The following RNASEH1 variants were observed in gnomAD, a reference collection of about 807,000 sequenced individuals.
RNASEH1 encodes ribonuclease H1.
In RNASEH1, 27 loss-of-function variants were observed where a neutral mutation model predicts 34.6. That is an observed-to-expected ratio of 0.78 (90% CI 0.58 to 1.08). The LOEUF is 1.08. RNASEH1 is among the 50% of genes least tolerant of loss of function. RNASEH1 has a pLI of 0.00. For missense variants in RNASEH1, 349 were observed against 373.6 expected (o/e 0.93, Z 0.54); for synonymous variants, 162 against 138.4 (o/e 1.17, Z -1.20).
At chr2:3,538,886 C>G (rs995104816), downstream of RNASEH1, among the ~76,000 whole-genome samples, 6 of 152,196 alleles carry the variant, frequency 3.9e-5, no homozygotes, top group African/African-American at 1.2e-4. Context: ...GCCTCAGCAA[C>G]ATATGCACTG....
downstream of RNASEH1, among the ~76,000 whole-genome samples, chr2:3,536,566 G>C (rs1667998965): frequency 6.6e-6 from 1 of 152,190 alleles, no homozygotes; most frequent in South Asian, 2.1e-4. Flanking sequence ...CCCCACCCCT[G>C]CTCCGGGGCT....
At position 3,552,293 on chromosome 2, in the gene RNASEH1, T is replaced by C. The variant is rs1021891020; in HGVS notation, c.260A>G (p.His87Arg). The change falls in exon 3 of 8, where the codon CAT becomes CGT. Residue 87 changes from histidine to arginine, a missense_variant. Physicochemically the swap from His to Arg is conservative, Grantham distance 29. This residue lies in a region of RNASEH1 where 256 missense variants were observed against 240.7 expected (regional missense o/e 1.06). Transcript: ENST00000315212. ...GGCTTTCGCCTCCGATTCTTGTCCATGTTGATTTTCATGCCCTGAAAGACA... is the reference window on the plus strand; with the variant it reads ...GGCTTTCGCCTCCGATTCTTGTCCACGTTGATTTTCATGCCCTGAAAGACA... ...PEVSEGHENQHGQESEAKASK... is the reference protein window; with the variant it reads ...PEVSEGHENQRGQESEAKASK... 3.7e-6 allele frequency: 6 copies of C among 1,612,470 alleles called. No individual in the cohort carries two copies. Among genetic ancestry groups the C allele is most frequent in the African/African-American group, 2.7e-5 (2 of 74,870 alleles).
At chr2:3,554,973 G>C (rs1045273729) in intron 2 of RNASEH1, among the ~76,000 whole-genome samples, 2 of 152,162 alleles carry the variant, frequency 1.3e-5, no homozygotes, top group African/African-American at 4.8e-5. Context: ...AGTGAACTAT[G>C]GGAAGAATTT....
intron 1 of RNASEH1, chr2:3,557,599 T>C (rs1339798911): frequency 2.9e-6 from 1 of 340,782 alleles, no homozygotes; most frequent in Non-Finnish European, 5.8e-6. Context: ...CTCAAGTCCT[T>C]TCTCTGTCAG....
the RNASEH1 span, among the ~76,000 whole-genome samples, chr2:3,535,041 A>T: frequency 6.6e-6 from 1 of 152,162 alleles, no homozygotes; most frequent in Non-Finnish European, 1.5e-5. Context: ...GTCTGGGAAG[A>T]TGAGAAGTTC....
At chr2:3,538,625 C>T (rs1461430753), downstream of RNASEH1, among the ~76,000 whole-genome samples, 1 of 152,192 alleles carries the variant, frequency 6.6e-6, no homozygotes, top group Admixed American at 6.5e-5. Flanking sequence ...GGGTCTGTCA[C>T]TCTAACGCTG....
chr2:3,538,650 G>A (rs1297925467), downstream of RNASEH1, among the ~76,000 whole-genome samples: 3 of 152,124 alleles, frequency 2.0e-5, no homozygotes, highest in South Asian at 2.1e-4. Context: ...TTCCACGGCC[G>A]CTTCAGGTCC....
chr2:3,547,931 C>T lies in RNASEH1; in HGVS notation c.774G>A (p.Trp258Ter). The T allele has an allele frequency of 1.2e-6, 2 of 1,613,718 alleles. No individual in the cohort carries two copies. The highest frequency in any genetic ancestry group is 1.7e-6 in the Non-Finnish European group (2 of 1,179,692). The change falls in exon 7 of 8, where the codon TGG (tryptophan) becomes TGA (stop). Residue 258 changes from tryptophan to a stop codon, truncating the protein, a stop_gained and splice_region_variant. Transcript: ENST00000315212. LOFTEE classifies it high-confidence loss of function. ...ERLTQGMDIQ[W>*]MHVPGHSGFI... is the part of the protein sequence containing the mutation. The stretch of plus-strand genomic sequence containing the variant: ...GGACATGAACATTTAAGATACTCAC[C>T]CACTGAATGTCCATCCCCTGGGTAA...
In RNASEH1 at chr2:3,545,699, A is replaced by C; in HGVS notation, c.*86T>G. The C allele has an allele frequency of 1.2e-6, 1 of 863,136 alleles. No homozygotes were observed. The highest frequency in any genetic ancestry group is 2.0e-6 in the Non-Finnish European group (1 of 497,322). 53.5% of individuals were successfully genotyped at this position (863,136 alleles called of 1,614,324 possible). ...ATCTGCCCATCACTGCAATGGTCCT[A>C]CCTGCAGGCTATTTTCCACACCAGT... On this transcript the variant is annotated 3_prime_UTR_variant, in exon 8 of 8. Transcript: ENST00000315212.
At chr2:3,550,841 C>G (rs1022761290) in intron 3 of RNASEH1, among the ~76,000 whole-genome samples, 2 of 152,234 alleles carry the variant, frequency 1.3e-5, no homozygotes, top group African/African-American at 4.8e-5. Context: ...CAGAGACGAG[C>G]AGCGCCTCAG....
chr2:3,548,552 A>T, intron 6 of RNASEH1, 88 bp downstream of exon 6: 1 of 830,068 alleles, frequency 1.2e-6, no homozygotes. Context: ...CCCCGTTCCC[A>T]TTTGGGTCCT....
chr2:3,548,054 AC>A lies in RNASEH1; in HGVS notation c.650del (p.Gly217ValfsTer2). ...TCCAACCTTGAACCCAGTTAGTTAT[AC>A]CTACAAAAATGCACGATCACTGGTG... ...LYTDSMFTIN[G>X]ITNWVQGWKK... On this transcript the variant is annotated frameshift_variant and splice_region_variant, in exon 7 of 8. Coordinates refer to ENST00000315212, the MANE Select transcript of RNASEH1 (RefSeq NM_002936.6). LOFTEE classifies it high-confidence loss of function. 6.2e-7 allele frequency: 1 copy of A among 1,613,952 alleles called. No homozygotes were observed. Among genetic ancestry groups the A allele is most frequent in the East Asian group, 2.2e-5 (1 of 44,872 alleles).
the RNASEH1 span, chr2:3,534,175 T>C: frequency 3.3e-5 from 5 of 152,210 alleles, no homozygotes; most frequent in African/African-American, 7.2e-5. Context: ...CATCATGCAA[T>C]AGAAGTTTTT....
rs115373330 is a variant in RNASEH1 at position 3,546,023 on chromosome 2, C to T, written c.775-152G>A. The T allele has an allele frequency of 1.4e-3, 890 of 636,342 alleles. 11 individuals carry two copies. Among genetic ancestry groups the T allele is most frequent in the African/African-American group, 0.013 (709 of 55,128 alleles). 39.4% of individuals were successfully genotyped at this position (636,342 alleles called of 1,614,324 possible). A position where few individuals can be genotyped will look rare whatever the true frequency, so the allele number is the denominator to read the frequency against. Reference sequence around the variant, plus strand: ...TCCCCAGACATGATCCTCAACAGCACGCTGTCCATTCTTCATGCGTTTACG... The same window carrying T: ...TCCCCAGACATGATCCTCAACAGCATGCTGTCCATTCTTCATGCGTTTACG... On this transcript the variant is annotated intron_variant, in intron 7 of 7. Transcript: ENST00000315212.
chr2:3,556,763 G>T, intron 2 of RNASEH1, 26 bp downstream of exon 2: 2 of 1,496,454 alleles, frequency 1.3e-6, no homozygotes, highest in Non-Finnish European at 1.9e-6. Flanking sequence ...AGGTTAAAAT[G>T]TCACACTGAT....
chr2:3,551,596 T>C (rs1235565894), intron 3 of RNASEH1, among the ~76,000 whole-genome samples: 1 of 152,248 alleles, frequency 6.6e-6, no homozygotes, highest in Non-Finnish European at 1.5e-5. Context: ...AATATACTGA[T>C]TTATATTTTT....
At chr2:3,548,441 T>C (rs1004158661) in intron 6 of RNASEH1, among the ~76,000 whole-genome samples, 199 bp downstream of exon 6, 1 of 152,198 alleles carries the variant, frequency 6.6e-6, no homozygotes, top group Non-Finnish European at 1.5e-5. Context: ...GCATCTCCAG[T>C]GCCTGGCAAA....
chr2:3,549,716 G>A (rs1373961688), intron 4 of RNASEH1, among the ~76,000 whole-genome samples: 1 of 152,030 alleles, frequency 6.6e-6, no homozygotes, highest in African/African-American at 2.4e-5. Context: ...GGAGGCCGAG[G>A]TGGGCGGATC....
chr2:3,543,549 A>C lies in RNASEH1; in HGVS notation c.*2236T>G, dbSNP rs1668473070. The stretch of plus-strand genomic sequence containing the variant: ...CTCCCTCTCACTGACCGAATAAGCT[A>C]GTCTGAGCTAAATAAAGATAAAAAT... On this transcript the variant is annotated 3_prime_UTR_variant, in exon 8 of 8. Coordinates refer to ENST00000315212, the MANE Select transcript of RNASEH1 (RefSeq NM_002936.6). Among the ~76,000 whole-genome samples, 1 of 152,120 alleles carries C rather than the reference A, an allele frequency of 6.6e-6. No individual in the cohort carries two copies. The highest frequency in any genetic ancestry group is 6.5e-5 in the Admixed American group (1 of 15,276).
Sources: gnomAD v4.1 joint callset for allele counts (sites outside exome capture counted in the v4.1 genomes callset) on GRCh38, gnomAD v4.1.1 for gene constraint, gnomAD v4.1.1 regional missense constraint, MANE v1.5 for transcripts, NCBI Gene and HGNC (gene_info 2026-07-23, HGNC 2026-07-21) for gene names.